Variants in KBTBD11 observed in about 807,000 individuals in gnomAD.
KBTBD11 encodes the protein kelch repeat and BTB domain containing 11.
For synonymous variants in KBTBD11, 747 were observed against 499.0 expected, an observed-to-expected ratio of 1.50 and a Z score of -6.63; for missense variants, 1,390 against 1,001.8, an observed-to-expected ratio of 1.39 and a Z score of -5.23.
chr8:1,983,413 C>A (rs971091467), intron 1 of KBTBD11, among the ~76,000 whole-genome samples: 1 of 152,222 alleles, frequency 6.6e-6, no homozygotes, highest in Non-Finnish European at 1.5e-5. Context: ...CCTTGTAACC[C>A]TGTGCCTGCC....
Position 2,002,744 on chromosome 8 carries a change from G to A in KBTBD11, c.1552G>A (p.Gly518Arg). The A allele has an allele frequency of 6.7e-7, 1 of 1,494,788 alleles. No individual in the cohort carries two copies. The highest frequency in any genetic ancestry group is 8.9e-7 in the Non-Finnish European group (1 of 1,129,118). 92.6% of individuals were successfully genotyped at this position (1,494,788 alleles called of 1,614,324 possible). A position where few individuals can be genotyped will look rare whatever the true frequency, so the allele number is the denominator to read the frequency against. Residue 518 changes from glycine to arginine, a missense_variant, in exon 2 of 2, where the codon GGG becomes AGG. Transcript: ENST00000320248. The surrounding 1 kb of genome is among the most constrained non-coding windows in gnomAD (Gnocchi z 4.1). ...CAGCCGCGGCGAGGCGCAGGCGGCG[G>A]GGCCGAGCGGGGTCAGCGTGTCCCG... Reference protein sequence around the residue: ...SGSRGEAQAAGPSGVSVSRYH... With the variant: ...SGSRGEAQAARPSGVSVSRYH...
intron 1 of KBTBD11, among the ~76,000 whole-genome samples, chr8:1,991,555 A>C (rs1816918089): frequency 6.6e-6 from 1 of 151,970 alleles, no homozygotes; most frequent in South Asian, 2.1e-4. Flanking sequence ...GTGATCCATG[A>C]GGGCAGGGCC....
At position 2,001,132 on chromosome 8, in the gene KBTBD11, T is replaced by TG. The variant is rs1817327773; in HGVS notation, c.-59dup. On this transcript the variant is annotated 5_prime_UTR_variant, in exon 2 of 2. Coordinates refer to ENST00000320248, the MANE Select transcript of KBTBD11 (RefSeq NM_014867.3). ...GAAACCCCGGAGTAAGGCTCGACCTTGGCCAGACCTGCAGGCTGCGGAACC... is the reference window on the plus strand; with the variant it reads ...GAAACCCCGGAGTAAGGCTCGACCTTGGGCCAGACCTGCAGGCTGCGGAACC... The TG allele has an allele frequency of 7.8e-7, 1 of 1,281,416 alleles. No homozygotes were observed. The highest frequency in any genetic ancestry group is 1.5e-5 in the African/African-American group (1 of 64,602). The allele number at this position is 1,281,416 out of a possible 1,614,324, so 79.4% of individuals were successfully genotyped here.
At chr8:1,979,613 A>G (rs146766523) in intron 1 of KBTBD11, among the ~76,000 whole-genome samples, 159 of 152,368 alleles carry the variant, frequency 1.0e-3, no homozygotes, top group Non-Finnish European at 2.0e-3. Context: ...TGGGCTACAG[A>G]GTGAGACTCT....
In KBTBD11 at chr8:2,004,868, A is replaced by C. The variant is rs1817524544; in HGVS notation, c.*1804A>C. 6.0e-6 allele frequency: 1 copy of C among 167,112 alleles called. No individual in the cohort carries two copies. The highest frequency in any genetic ancestry group is 2.1e-4 in the South Asian group (1 of 4,836). 10.4% of individuals were successfully genotyped at this position (167,112 alleles called of 1,614,324 possible). Reference sequence around the variant, plus strand: ...TAATGTTCATTTTAAGCAATGTACCATTCACACTGTCCTGCCTTTTCCTCT... The same window carrying C: ...TAATGTTCATTTTAAGCAATGTACCCTTCACACTGTCCTGCCTTTTCCTCT... On this transcript the variant is annotated 3_prime_UTR_variant, in exon 2 of 2. Coordinates refer to ENST00000320248, the MANE Select transcript of KBTBD11 (RefSeq NM_014867.3).
At chr8:1,989,150 G>A (rs771271268) in intron 1 of KBTBD11, among the ~76,000 whole-genome samples, 2 of 152,098 alleles carry the variant, frequency 1.3e-5, no homozygotes, top group Non-Finnish European at 2.9e-5. Flanking sequence ...TGGTATTCAC[G>A]CTTTATGTTT....
chr8:1,997,144 G>A (rs967040935), intron 1 of KBTBD11, among the ~76,000 whole-genome samples: 1 of 152,112 alleles, frequency 6.6e-6, no homozygotes, highest in African/African-American at 2.4e-5. Context: ...TCCGGCGGGG[G>A]GTGGGCGAGT....
rs1817292088 is a variant in KBTBD11 at position 2,000,312 on chromosome 8, A to C, written c.-881A>C. 1 of 152,224 alleles carries C rather than the reference A, an allele frequency of 6.6e-6. No individual in the cohort carries two copies. Among genetic ancestry groups the C allele is most frequent in the African/African-American group, 2.4e-5 (1 of 41,454 alleles). The allele number at this position is 152,224 out of a possible 1,614,324, so 9.4% of individuals were successfully genotyped here. ...ACAAGAGTGTGGTGAGAGGACGCGGAAACACCTGATATCCCAGCAAAGGAA... is the reference window on the plus strand; with the variant it reads ...ACAAGAGTGTGGTGAGAGGACGCGGCAACACCTGATATCCCAGCAAAGGAA... On this transcript the variant is annotated 5_prime_UTR_variant, in exon 2 of 2. Coordinates refer to ENST00000320248, the MANE Select transcript of KBTBD11 (RefSeq NM_014867.3).
At chr8:1,985,956 C>T (rs1042180222) in intron 1 of KBTBD11, among the ~76,000 whole-genome samples, 6 of 152,238 alleles carry the variant, frequency 3.9e-5, no homozygotes, top group South Asian at 2.1e-4. Flanking sequence ...TCCACACTCC[C>T]GCGTGGCAAT....
At position 2,002,020 on chromosome 8, in the gene KBTBD11, G is replaced by C; in HGVS notation, c.828G>C (p.Leu276=). 2 of 1,400,450 alleles carry C rather than the reference G, an allele frequency of 1.4e-6. No individual in the cohort carries two copies. Among genetic ancestry groups the C allele is most frequent in the South Asian group, 2.6e-5 (2 of 77,082 alleles). The allele number at this position is 1,400,450 out of a possible 1,614,324, so 86.8% of individuals were successfully genotyped here. The change falls in exon 2 of 2, where the codon CTG becomes CTC. Residue 276 remains leucine (L), a synonymous_variant. Coordinates refer to ENST00000320248, the MANE Select transcript of KBTBD11 (RefSeq NM_014867.3). This position sits in a 1 kb window ranked among gnomAD's most constrained non-coding sequence, Gnocchi z 4.1. ...GCGAGCCCGCCGTGTTCGGCCGCCTGTCGGGCGCAGAGCGGGACCTGCTGC... is the reference window on the plus strand; with the variant it reads ...GCGAGCCCGCCGTGTTCGGCCGCCTCTCGGGCGCAGAGCGGGACCTGCTGC... The part of the protein sequence containing the change: ...VLREPAVFGR[L]SGAERDLLLR...
intron 1 of KBTBD11, among the ~76,000 whole-genome samples, chr8:1,993,173 C>G (rs1230411568): frequency 6.6e-6 from 1 of 152,000 alleles, no homozygotes; most frequent in Admixed American, 6.6e-5. Context: ...CCTCGAACTC[C>G]TTACCTCAGG....
In KBTBD11 at chr8:2,002,196, G is replaced by T. The variant is rs902798812; in HGVS notation, c.1004G>T (p.Gly335Val). 15 of 1,256,460 alleles carry T rather than the reference G, an allele frequency of 1.2e-5. No homozygotes were observed. The highest frequency in any genetic ancestry group is 1.5e-5 in the Non-Finnish European group (15 of 1,003,746). 77.8% of individuals were successfully genotyped at this position (1,256,460 alleles called of 1,614,324 possible). ...AAVYCFHAAAGEWRELTRLPE... is the reference protein window; with the variant it reads ...AAVYCFHAAAVEWRELTRLPE... Reference sequence around the variant, plus strand: ...GTCTACTGCTTCCACGCGGCGGCCGGAGAGTGGCGCGAGCTGACGCGGCTG... The same window carrying T: ...GTCTACTGCTTCCACGCGGCGGCCGTAGAGTGGCGCGAGCTGACGCGGCTG... The change falls in exon 2 of 2, where the codon GGA (glycine) becomes GTA (valine). Residue 335 changes from glycine (G) to valine (V), a missense_variant. Gly to Val is a moderately radical substitution (Grantham distance 109, BLOSUM62 -3). Transcript: ENST00000320248. The surrounding 1 kb of genome is among the most constrained non-coding windows in gnomAD (Gnocchi z 4.1).
chr8:1,976,364 T>G (rs751180862), intron 1 of KBTBD11: 1 of 152,208 alleles, frequency 6.6e-6, no homozygotes, highest in South Asian at 2.1e-4. Context: ...TTGCAAAGTA[T>G]TTAACAATGA....
In KBTBD11 at chr8:2,003,211, C is replaced by T. The variant is rs1001040765; in HGVS notation, c.*147C>T. The T allele has an allele frequency of 1.5e-5, 18 of 1,189,534 alleles. No homozygotes were observed. In the African/African-American group the frequency reaches 2.4e-4, roughly 16 times the overall value. The allele number at this position is 1,189,534 out of a possible 1,614,324, so 73.7% of individuals were successfully genotyped here. ...TTCGAAGGAGCCCCGAGGACGCTCT[C>T]AGGGCCGCTTTCGCTTTGCTTTCCT... On this transcript the variant is annotated 3_prime_UTR_variant, in exon 2 of 2. Coordinates refer to ENST00000320248, the MANE Select transcript of KBTBD11 (RefSeq NM_014867.3).
chr8:1,979,995 T>C (rs964407841), intron 1 of KBTBD11, among the ~76,000 whole-genome samples: 1 of 152,190 alleles, frequency 6.6e-6, no homozygotes, highest in African/African-American at 2.4e-5. Context: ...CAGTCTCACT[T>C]TGTGCTGAAT....
rs367553826 is a variant in KBTBD11 at position 1,979,172 on chromosome 8, C to G, written c.-909+5237C>G. On this transcript the variant is annotated intron_variant, in intron 1 of 1. Transcript: ENST00000320248. ...GCAAGTCTGAGATCTGCAGGGCAGG[C>G]CGGCAGGCTGGATAGCCAGGGAAGT... Among the ~76,000 whole-genome samples the G allele has an allele frequency of 4.5e-4, 68 of 152,310 alleles. 1 individual carries two copies. In the East Asian group the frequency reaches 0.012, roughly 27 times the overall value.
Position 2,003,109 on chromosome 8 carries a change from GC to G in KBTBD11, c.*48del. On this transcript the variant is annotated 3_prime_UTR_variant, in exon 2 of 2. Transcript: ENST00000320248. ...GTCTCCCTCGGCAGGGGTTTGCGGG[GC>G]CCAGGTCCCTTTGGGCCCGCGGAGG... The G allele has an allele frequency of 8.0e-7, 1 of 1,254,808 alleles. No individual in the cohort carries two copies. Among genetic ancestry groups the G allele is most frequent in the Non-Finnish European group, 1.0e-6 (1 of 993,930 alleles). 77.7% of individuals were successfully genotyped at this position (1,254,808 alleles called of 1,614,324 possible). A position where few individuals can be genotyped will look rare whatever the true frequency, so the allele number is the denominator to read the frequency against.
Position 2,002,221 on chromosome 8 carries a change from G to T in KBTBD11, c.1029G>T (p.Leu343=). Residue 343 remains leucine (L), a synonymous_variant, in exon 2 of 2, where the codon CTG becomes CTT. Coordinates refer to ENST00000320248, the MANE Select transcript of KBTBD11 (RefSeq NM_014867.3). This position sits in a 1 kb window ranked among gnomAD's most constrained non-coding sequence, Gnocchi z 4.1. The part of the protein sequence containing the change: ...AAGEWRELTR[L]PEGAPARGCG... ...GAGAGTGGCGCGAGCTGACGCGGCT[G>T]CCCGAGGGCGCGCCGGCGCGGGGCT... The T allele has an allele frequency of 7.9e-7, 1 of 1,267,920 alleles. No individual in the cohort carries two copies. The highest frequency in any genetic ancestry group is 9.9e-7 in the Non-Finnish European group (1 of 1,011,234). The allele number at this position is 1,267,920 out of a possible 1,614,324, so 78.5% of individuals were successfully genotyped here. A position where few individuals can be genotyped will look rare whatever the true frequency, so the allele number is the denominator to read the frequency against.
At chr8:1,974,548 C>T (rs925969562) in intron 1 of KBTBD11, 2 of 985,074 alleles carry the variant, frequency 2.0e-6, no homozygotes, top group African/African-American at 1.7e-5. Context: ...GCCGCTGCGC[C>T]CGGGGTGCGG....
Sources: gnomAD v4.1 joint callset for allele counts (sites outside exome capture counted in the v4.1 genomes callset) on GRCh38, gnomAD v4.1.1 for gene constraint, Gnocchi (gnomAD v3.1) non-coding constraint, MANE v1.5 for transcripts, NCBI Gene and HGNC (gene_info 2026-07-23, HGNC 2026-07-21) for gene names.